PDZD2: variants seen among roughly 807,000 people sequenced by gnomAD.
The protein encoded by PDZD2 is PDZ domain containing 2.
Under a neutral mutation model 220.7 loss-of-function variants are expected in PDZD2, and 90 were observed. The observed-to-expected ratio is 0.41, with a 90% CI of 0.34 to 0.49. The LOEUF (loss-of-function observed/expected upper bound fraction) is 0.49, where lower values mean the gene tolerates loss of function less well. Among genes scored for constraint, PDZD2 ranks in the 20% least tolerant of loss-of-function variants. The pLI is 0.28. For missense variants in PDZD2, 3,174 were observed against 3,608.5 expected, an observed-to-expected ratio of 0.88 and a Z score of 3.08; for synonymous variants, 1,375 against 1,450.5, an observed-to-expected ratio of 0.95 and a Z score of 1.18.
At position 32,109,015 on chromosome 5, in the gene PDZD2, T is replaced by C. The variant is rs982443740; in HGVS notation, c.*880T>C. ...AGTGCTTGAATTCAAGACTGGTCAGTCCAAGAGCAGACAAAAATATCACAA... is the reference window on the plus strand; with the variant it reads ...AGTGCTTGAATTCAAGACTGGTCAGCCCAAGAGCAGACAAAAATATCACAA... On this transcript the variant is annotated 3_prime_UTR_variant, in exon 25 of 25. Transcript: ENST00000438447. 2.1e-5 allele frequency: 3 copies of C among 145,778 alleles called. No homozygotes were observed. The highest frequency in any genetic ancestry group is 4.6e-5 in the Non-Finnish European group (3 of 65,740). 9.0% of individuals were successfully genotyped at this position (145,778 alleles called of 1,614,324 possible). A position where few individuals can be genotyped will look rare whatever the true frequency, so the allele number is the denominator to read the frequency against.
chr5:32,080,406 A>G (rs1741820528), intron 19 of PDZD2, among the ~76,000 whole-genome samples: 1 of 151,184 alleles, frequency 6.6e-6, no homozygotes, highest in Non-Finnish European at 1.5e-5. Context: ...AGGGAGATGA[A>G]GTTACATTGA....
At chr5:31,885,337 G>A (rs1257778888) in intron 2 of PDZD2, among the ~76,000 whole-genome samples, 8 of 152,026 alleles carry the variant, frequency 5.3e-5, no homozygotes, top group Admixed American at 5.2e-4. Flanking sequence ...AAGCAGGGTA[G>A]AGTTCGGGTC....
Position 31,639,709 on chromosome 5 carries a change from C to T in PDZD2, c.-361+272C>T, listed in dbSNP as rs921320752. On this transcript the variant is annotated intron_variant, in intron 1 of 24. Transcript: ENST00000438447. The surrounding 1 kb of genome is among the most constrained non-coding windows in gnomAD (Gnocchi z 4.1). Reference sequence around the variant, plus strand: ...GAGCGGGACCGAGACAGCGGGACAACCGGAGACGCACTGCCGGGGGTACTC... The same window carrying T: ...GAGCGGGACCGAGACAGCGGGACAATCGGAGACGCACTGCCGGGGGTACTC... Among the ~76,000 whole-genome samples, 10 of 152,180 alleles carry T rather than the reference C, an allele frequency of 6.6e-5. No individual in the cohort carries two copies. The highest frequency in any genetic ancestry group is 1.5e-4 in the Non-Finnish European group (10 of 68,016).
At chr5:31,871,888 C>T (rs954388634) in intron 2 of PDZD2, among the ~76,000 whole-genome samples, 12 of 151,988 alleles carry the variant, frequency 7.9e-5, no homozygotes, top group Admixed American at 2.0e-4. Flanking sequence ...TGCAGTGGTG[C>T]GAACACAGCT....
intron 8 of PDZD2, among the ~76,000 whole-genome samples, chr5:32,051,620 T>C (rs1469790136): frequency 6.6e-6 from 1 of 152,176 alleles, no homozygotes; most frequent in African/African-American, 2.4e-5. Flanking sequence ...ATTTGATCTC[T>C]TTATGTTCTA....
chr5:31,752,180 G>A (rs1751039528), intron 1 of PDZD2, among the ~76,000 whole-genome samples: 1 of 146,194 alleles, frequency 6.8e-6, no homozygotes, highest in Non-Finnish European at 1.5e-5. Context: ...CTGGACTCAA[G>A]TGATCCTCCT....
At chr5:31,967,335 G>T (rs1433633920) in intron 2 of PDZD2, among the ~76,000 whole-genome samples, 1 of 152,200 alleles carries the variant, frequency 6.6e-6, no homozygotes, top group Non-Finnish European at 1.5e-5. Context: ...AGTCACCTCT[G>T]AGGAAGGTAA....
chr5:31,645,301 G>A (rs17412042), intron 1 of PDZD2, among the ~76,000 whole-genome samples: 11,229 of 150,930 alleles, frequency 0.074, 550 homozygotes, highest in South Asian at 0.12. Context: ...AGCAGGAGTC[G>A]AAATGGATTT....
intron 7 of PDZD2, among the ~76,000 whole-genome samples, chr5:32,048,283 A>C (rs1738172170): frequency 6.6e-6 from 1 of 152,258 alleles, no homozygotes; most frequent in African/African-American, 2.4e-5. Flanking sequence ...ACACATTTAC[A>C]TTGCCCCTCA....
rs752823431 is a variant in PDZD2 at position 32,089,481 on chromosome 5, A to G, written c.6033A>G (p.Arg2011=). 6.2e-7 allele frequency: 1 copy of G among 1,613,554 alleles called. No homozygotes were observed. Among genetic ancestry groups the G allele is most frequent in the Non-Finnish European group, 8.5e-7 (1 of 1,180,012 alleles). ...TGGCTGTCCTCTCTGAACCCGACAGAGGTTGCCCAACCACCCCTAAATCTC... is the reference window on the plus strand; with the variant it reads ...TGGCTGTCCTCTCTGAACCCGACAGGGGTTGCCCAACCACCCCTAAATCTC... ...FHMAVLSEPD[R]GCPTTPKSPK... Residue 2011 remains arginine (R), a synonymous_variant, in exon 20 of 25, where the codon AGA becomes AGG. Transcript: ENST00000438447.
intron 7 of PDZD2, among the ~76,000 whole-genome samples, chr5:32,048,148 A>G (rs1342790780): frequency 6.6e-6 from 1 of 152,254 alleles, no homozygotes; most frequent in Non-Finnish European, 1.5e-5. Context: ...ATACTTGGAA[A>G]AAAAACATCT....
At chr5:31,857,577 C>T (rs1471193493) in intron 2 of PDZD2, among the ~76,000 whole-genome samples, 3 of 152,126 alleles carry the variant, frequency 2.0e-5, no homozygotes, top group Non-Finnish European at 4.4e-5. Flanking sequence ...TCAGAATTGC[C>T]ATTGAGATGT....
At chr5:31,914,172 G>A (rs1480660196) in intron 2 of PDZD2, among the ~76,000 whole-genome samples, 3 of 152,232 alleles carry the variant, frequency 2.0e-5, no homozygotes, top group African/African-American at 4.8e-5. Flanking sequence ...AAACTTGGAG[G>A]TTTTTTCAAA....
chr5:32,049,767 C>A (rs772481006), intron 8 of PDZD2, among the ~76,000 whole-genome samples: 1 of 152,088 alleles, frequency 6.6e-6, no homozygotes, highest in Non-Finnish European at 1.5e-5. Context: ...TTGAATTCAC[C>A]CAAAGGCAAC....
chr5:31,683,811 T>G (rs1173933989), intron 1 of PDZD2, among the ~76,000 whole-genome samples: 1 of 152,162 alleles, frequency 6.6e-6, no homozygotes, highest in Admixed American at 6.5e-5. Context: ...CGTATGTATA[T>G]CTGTTGAATA....
chr5:31,878,599 G>T (rs534248305), intron 2 of PDZD2, among the ~76,000 whole-genome samples: 1 of 107,550 alleles, frequency 9.3e-6, no homozygotes, highest in Non-Finnish European at 1.8e-5. Context: ...TCTCGCTGTC[G>T]CCCAGGCTGG....
At chr5:31,892,583 G>A (rs970359260) in intron 2 of PDZD2, among the ~76,000 whole-genome samples, 5 of 151,856 alleles carry the variant, frequency 3.3e-5, no homozygotes, top group Non-Finnish European at 5.9e-5. Context: ...TGGCGGGGGT[G>A]GTGTAGGGGA....
chr5:31,942,240 G>A (rs1263513870), intron 2 of PDZD2, among the ~76,000 whole-genome samples: 1 of 152,152 alleles, frequency 6.6e-6, no homozygotes, highest in Non-Finnish European at 1.5e-5. Flanking sequence ...ACCAAGATAG[G>A]TGGAGAACTA....
intron 2 of PDZD2, among the ~76,000 whole-genome samples, chr5:31,958,403 G>A (rs1747919049): frequency 1.3e-5 from 2 of 151,870 alleles, no homozygotes; most frequent in South Asian, 4.2e-4. Context: ...ACAGGTGCCT[G>A]CCACTGCGCC....
Sources: gnomAD v4.1 joint callset for allele counts (sites outside exome capture counted in the v4.1 genomes callset) on GRCh38, gnomAD v4.1.1 for gene constraint, Gnocchi (gnomAD v3.1) non-coding constraint, MANE v1.5 for transcripts, NCBI Gene and HGNC (gene_info 2026-07-23, HGNC 2026-07-21) for gene names.